Variants in CAPN13 observed in about 807,000 individuals in gnomAD.
CAPN13 encodes the protein calpain 13.
Under a neutral mutation model 98.4 loss-of-function variants are expected in CAPN13, and 90 were observed. The observed-to-expected ratio is 0.92, with a 90% CI of 0.77 to 1.09. The LOEUF (loss-of-function observed/expected upper bound fraction) is 1.09, where lower values mean the gene tolerates loss of function less well. CAPN13 is among the 50% of genes least tolerant of loss of function. The pLI, the probability that CAPN13 is intolerant of heterozygous loss-of-function variation, is 0.00. For missense variants in CAPN13, 887 were observed against 841.3 expected (o/e 1.05, Z -0.67); for synonymous variants, 330 against 305.5 (o/e 1.08, Z -0.84).
At chr2:30,783,834 G>A (rs1328016315) in intron 2 of CAPN13, among the ~76,000 whole-genome samples, 1 of 152,218 alleles carries the variant, frequency 6.6e-6, no homozygotes, top group Non-Finnish European at 1.5e-5. Context: ...CCTCTGGACA[G>A]GCACTCAGCA....
chr2:30,794,697 G>A (rs1179573584), intron 1 of CAPN13, among the ~76,000 whole-genome samples: 4 of 151,800 alleles, frequency 2.6e-5, no homozygotes, highest in Admixed American at 2.6e-4. Context: ...GTACTACTCA[G>A]CAATAAAAAG....
intron 2 of CAPN13, among the ~76,000 whole-genome samples, chr2:30,783,150 G>A (rs969521651): frequency 2.0e-5 from 3 of 152,176 alleles, no homozygotes; most frequent in Non-Finnish European, 2.9e-5. Flanking sequence ...TACTTCACTC[G>A]TGTGCATGCT....
At chr2:30,774,757 A>G (rs1477247702) in intron 4 of CAPN13, among the ~76,000 whole-genome samples, 2 of 152,184 alleles carry the variant, frequency 1.3e-5, no homozygotes, top group African/African-American at 2.4e-5. Context: ...AGCTCTCATT[A>G]TTCTACTTAC....
intron 1 of CAPN13, 66 bp downstream of exon 1, chr2:30,807,236 A>G (rs531737163): frequency 1.5e-4 from 23 of 152,328 alleles, no homozygotes; most frequent in Non-Finnish European, 2.8e-4. Flanking sequence ...AAAATTGTAC[A>G]TGCTCACTAA....
intron 5 of CAPN13, among the ~76,000 whole-genome samples, chr2:30,770,086 A>AT (rs1338771805): frequency 6.6e-6 from 1 of 152,184 alleles, no homozygotes; most frequent in East Asian, 1.9e-4. Context: ...CAATAATATC[A>AT]TTGTCAGTGC....
chr2:30,731,124 CTTTA>C, intron 21 of CAPN13, among the ~76,000 whole-genome samples: 1 of 152,328 alleles, frequency 6.6e-6, no homozygotes, highest in Non-Finnish European at 1.5e-5. Context: ...TAATCCTCTG[CTTTA>C]TTAAGCTATT....
intron 2 of CAPN13, among the ~76,000 whole-genome samples, chr2:30,783,748 A>C (rs1674112106): frequency 6.6e-6 from 1 of 152,176 alleles, no homozygotes; most frequent in South Asian, 2.1e-4. Flanking sequence ...AAAAACTTAG[A>C]ATGTGGAGAT....
At chr2:30,759,456 C>T (rs1162683019) in intron 7 of CAPN13, among the ~76,000 whole-genome samples, 1 of 152,210 alleles carries the variant, frequency 6.6e-6, no homozygotes, top group Non-Finnish European at 1.5e-5. Context: ...TATGACTGAG[C>T]TGTAGCTGTG....
intron 7 of CAPN13, among the ~76,000 whole-genome samples, chr2:30,760,186 C>G (rs767666071): frequency 3.3e-5 from 5 of 152,210 alleles, no homozygotes; most frequent in Non-Finnish European, 7.3e-5. Context: ...GGGTTCATGC[C>G]GTCCTCCTGC....
chr2:30,800,108 AAAG>A (rs1327320911), intron 1 of CAPN13, among the ~76,000 whole-genome samples: 13 of 130,700 alleles, frequency 9.9e-5, no homozygotes, highest in African/African-American at 3.5e-4. Flanking sequence ...GAAAGAAAGA[AAAG>A]AAAGAAAAGA....
chr2:30,762,173 T>C (rs1672881528), intron 7 of CAPN13, among the ~76,000 whole-genome samples: 1 of 152,226 alleles, frequency 6.6e-6, no homozygotes, highest in African/African-American at 2.4e-5. Context: ...TCTCAGATGC[T>C]ATCTATCTAA....
chr2:30,787,115 G>A lies in CAPN13; in HGVS notation c.198+13C>T. On this transcript the variant is annotated intron_variant, in intron 2 of 22. Transcript: ENST00000295055. Reference sequence around the variant, plus strand: ...ACCCTGGAGCTGGGTATGCTCGTGTGGGGCTCACTCACCTGTGGCCGCTTC... The same window carrying A: ...ACCCTGGAGCTGGGTATGCTCGTGTAGGGCTCACTCACCTGTGGCCGCTTC... 6.5e-7 allele frequency: 1 copy of A among 1,545,600 alleles called. No individual in the cohort carries two copies. The highest frequency in any genetic ancestry group is 8.7e-7 in the Non-Finnish European group (1 of 1,145,000).
chr2:30,743,104 C>A, intron 13 of CAPN13: 1 of 461,428 alleles, frequency 2.2e-6, no homozygotes. Flanking sequence ...TGTCATTTCC[C>A]TCAAGAAGCC....
At chr2:30,796,638 C>T (rs1236514575) in intron 1 of CAPN13, among the ~76,000 whole-genome samples, 1 of 152,108 alleles carries the variant, frequency 6.6e-6, no homozygotes, top group Non-Finnish European at 1.5e-5. Context: ...TAAATGACTT[C>T]AAAACCAAGA....
At chr2:30,760,401 C>T (rs755538531) in intron 7 of CAPN13, among the ~76,000 whole-genome samples, 5 of 152,130 alleles carry the variant, frequency 3.3e-5, no homozygotes, top group Admixed American at 6.5e-5. Flanking sequence ...AATGAGCCAC[C>T]GTCAGTGCCT....
At chr2:30,737,000 C>T (rs1194560075) in intron 17 of CAPN13, among the ~76,000 whole-genome samples, 1 of 152,196 alleles carries the variant, frequency 6.6e-6, no homozygotes, top group African/African-American at 2.4e-5. Context: ...ATGTTAAAGC[C>T]AGCCCTGGCC....
chr2:30,741,386 G>T, intron 15 of CAPN13: 1 of 987,368 alleles, frequency 1.0e-6, no homozygotes, highest in Non-Finnish European at 1.2e-6. Context: ...AACGGTAAGA[G>T]GCTCATTGTG....
At chr2:30,763,255 A>G in intron 6 of CAPN13, 99 bp from the exon 7 acceptor site, 1 of 1,013,680 alleles carries the variant, frequency 9.9e-7, no homozygotes, top group Non-Finnish European at 1.5e-6. Context: ...TCTGGGCCTC[A>G]CTGACTCACT....
intron 3 of CAPN13, among the ~76,000 whole-genome samples, chr2:30,777,198 T>C (rs1406504403): frequency 2.0e-5 from 3 of 152,206 alleles, no homozygotes; most frequent in African/African-American, 7.2e-5. Context: ...GCTCTGGGAA[T>C]GTCTGGTGGG....
Sources: gnomAD v4.1 joint callset for allele counts (sites outside exome capture counted in the v4.1 genomes callset) on GRCh38, gnomAD v4.1.1 for gene constraint, MANE v1.5 for transcripts, NCBI Gene and HGNC (gene_info 2026-07-23, HGNC 2026-07-21) for gene names.